Variants in CTDSPL observed in about 807,000 individuals in gnomAD.
CTDSPL encodes CTD small phosphatase like.
CTDSPL carries 8 observed loss-of-function variants against 30.5 expected under a neutral mutation model. The ratio of observed to expected loss-of-function variants is 0.26; its 90% CI spans 0.15 to 0.47. CTDSPL has a LOEUF of 0.47. Ranked by LOEUF, CTDSPL falls within the 20% of genes least tolerant of loss-of-function variation. The pLI is 0.99. For synonymous variants in CTDSPL, 110 were observed against 137.9 expected (o/e 0.80, Z 1.42); for missense variants, 248 against 366.1 (o/e 0.68, Z 2.63).
chr3:37,966,717 G>GT (rs1212916195), intron 4 of CTDSPL, among the ~76,000 whole-genome samples: 2 of 151,756 alleles, frequency 1.3e-5, no homozygotes, highest in African/African-American at 2.4e-5. Context: ...TTTTTGTTTT[G>GT]TTTTTTGTTT....
At chr3:37,878,468 T>C (rs1435888037) in intron 1 of CTDSPL, among the ~76,000 whole-genome samples, 1 of 152,228 alleles carries the variant, frequency 6.6e-6, no homozygotes, top group Non-Finnish European at 1.5e-5. Context: ...CTTTGAACCT[T>C]TATTAAAAAT....
At chr3:37,870,861 A>C (rs1698063841) in intron 1 of CTDSPL, among the ~76,000 whole-genome samples, 1 of 152,180 alleles carries the variant, frequency 6.6e-6, no homozygotes, top group Admixed American at 6.5e-5. Context: ...GAATTTCCAT[A>C]TATTCCCTGA....
chr3:37,960,495 A>AT lies in CTDSPL; in HGVS notation c.267+3352_267+3353insT, dbSNP rs1394185254. Among the ~76,000 whole-genome samples, 65 of 60,376 alleles carry AT rather than the reference A, an allele frequency of 1.1e-3. 4 individuals are homozygous for AT. The highest frequency in any genetic ancestry group is 4.8e-3 in the African/African-American group (63 of 13,100). The allele number at this position is 60,376 out of a possible 152,430, so 39.6% of individuals were successfully genotyped here. ...AACTCTGTCTCAAAAAAAAAAAAAA[A>AT]AAAAAAAAAAATATATATATATATA... On this transcript the variant is annotated intron_variant, in intron 3 of 7. Coordinates refer to ENST00000273179, the MANE Select transcript of CTDSPL (RefSeq NM_001008392.2).
At chr3:37,964,762 G>C in intron 4 of CTDSPL, 90 bp downstream of exon 4, 3 of 989,044 alleles carry the variant, frequency 3.0e-6, no homozygotes, top group Non-Finnish European at 4.7e-6. Context: ...GAAAGCTTAT[G>C]GTGGTTAGTG....
intron 1 of CTDSPL, among the ~76,000 whole-genome samples, chr3:37,884,364 T>C (rs1187103116): frequency 1.3e-5 from 2 of 152,172 alleles, no homozygotes; most frequent in Non-Finnish European, 2.9e-5. Context: ...TAAATGAATA[T>C]GTACATAGAG....
chr3:37,868,846 T>C (rs1698041702), intron 1 of CTDSPL, among the ~76,000 whole-genome samples: 1 of 152,144 alleles, frequency 6.6e-6, no homozygotes, highest in South Asian at 2.1e-4. Flanking sequence ...GACTGATGCT[T>C]CCAACTTTTG....
In CTDSPL at chr3:37,900,795, T is replaced by TTTA. The variant is rs1012926316; in HGVS notation, c.79+38532_79+38534dup. Among the ~76,000 whole-genome samples, 551 of 152,126 alleles carry TTTA rather than the reference T, an allele frequency of 3.6e-3. 3 individuals carry two copies. Among genetic ancestry groups the TTTA allele is most frequent in the African/African-American group, 0.013 (537 of 41,506 alleles). On this transcript the variant is annotated intron_variant, in intron 1 of 7. Coordinates refer to ENST00000273179, the MANE Select transcript of CTDSPL (RefSeq NM_001008392.2). ...GTCCTTAGAGAACATAATACTTATT[T>TTTA]TTATTATTATTATTATTTTTTTAGA...
At chr3:37,925,849 A>G (rs865830177) in intron 1 of CTDSPL, among the ~76,000 whole-genome samples, 17 of 152,038 alleles carry the variant, frequency 1.1e-4, no homozygotes, top group Admixed American at 1.0e-3. Context: ...AGACACACAC[A>G]CACACACACA....
intron 2 of CTDSPL, among the ~76,000 whole-genome samples, chr3:37,951,137 G>A (rs1575314318): frequency 6.6e-6 from 1 of 152,150 alleles, no homozygotes; most frequent in African/African-American, 2.4e-5. Flanking sequence ...GGAGGCCGAG[G>A]TGGGCAGATC....
chr3:37,936,330 C>G (rs1698914790), intron 1 of CTDSPL, among the ~76,000 whole-genome samples: 1 of 152,166 alleles, frequency 6.6e-6, no homozygotes. Flanking sequence ...GTGACTGAGT[C>G]TCTTTTCTAG....
intron 4 of CTDSPL, 22 bp downstream of exon 4, chr3:37,964,694 A>T (rs200027514): frequency 6.6e-7 from 1 of 1,525,820 alleles, no homozygotes; most frequent in Middle Eastern, 1.7e-4. Flanking sequence ...TAAAAAAAAA[A>T]TCCATGATCT....
intron 6 of CTDSPL, among the ~76,000 whole-genome samples, chr3:37,973,268 G>A (rs1699387325): frequency 6.6e-6 from 1 of 152,238 alleles, no homozygotes; most frequent in African/African-American, 2.4e-5. Flanking sequence ...ACAGTGCTCT[G>A]GGATGCTGAA....
intron 1 of CTDSPL, among the ~76,000 whole-genome samples, chr3:37,917,509 T>G (rs548524674): frequency 1.3e-5 from 2 of 152,354 alleles, no homozygotes; most frequent in African/African-American, 2.4e-5. Flanking sequence ...TATATCCCAA[T>G]ATAGATGAAT....
At chr3:37,953,563 A>C (rs971420185) in intron 2 of CTDSPL, among the ~76,000 whole-genome samples, 6 of 152,230 alleles carry the variant, frequency 3.9e-5, no homozygotes, top group Non-Finnish European at 8.8e-5. Flanking sequence ...AAAGGAAGGT[A>C]GAAAATAAAG....
At chr3:37,864,747 T>A (rs911523866) in intron 1 of CTDSPL, among the ~76,000 whole-genome samples, 7 of 151,898 alleles carry the variant, frequency 4.6e-5, no homozygotes, top group Admixed American at 2.0e-4. Flanking sequence ...TACATAATTT[T>A]ACATTATGTA....
intron 2 of CTDSPL, among the ~76,000 whole-genome samples, chr3:37,947,548 G>A (rs1276107496): frequency 1.3e-5 from 2 of 152,118 alleles, no homozygotes; most frequent in African/African-American, 2.4e-5. Context: ...CAATAAGAGC[G>A]AAACTATGTC....
chr3:37,982,689 C>T lies in CTDSPL; in HGVS notation c.*1822C>T, dbSNP rs1256809107. Reference sequence around the variant, plus strand: ...CAGGTCTCCCAGCATTCTGAGTGTTCCAAACCAGTAATCCACATGCCAATT... The same window carrying T: ...CAGGTCTCCCAGCATTCTGAGTGTTTCAAACCAGTAATCCACATGCCAATT... On this transcript the variant is annotated 3_prime_UTR_variant, in exon 8 of 8. Transcript: ENST00000273179. The T allele has an allele frequency of 8.8e-6, 4 of 456,116 alleles. No individual in the cohort carries two copies. Among genetic ancestry groups the T allele is most frequent in the Non-Finnish European group, 1.8e-5 (4 of 226,620 alleles). The allele number at this position is 456,116 out of a possible 1,614,324, so 28.3% of individuals were successfully genotyped here. A position where few individuals can be genotyped will look rare whatever the true frequency, so the allele number is the denominator to read the frequency against.
chr3:37,955,462 T>C (rs906380261), intron 2 of CTDSPL, among the ~76,000 whole-genome samples: 1 of 152,042 alleles, frequency 6.6e-6, no homozygotes, highest in Admixed American at 6.6e-5. Flanking sequence ...GAGACCCAAA[T>C]AGGCTGTGAG....
chr3:37,874,500 G>C (rs1022823076), intron 1 of CTDSPL, among the ~76,000 whole-genome samples: 3 of 152,298 alleles, frequency 2.0e-5, no homozygotes, highest in Admixed American at 6.5e-5. Flanking sequence ...GGGAGGCCAA[G>C]GCAGGCAGAT....
Sources: gnomAD v4.1 joint callset for allele counts (sites outside exome capture counted in the v4.1 genomes callset) on GRCh38, gnomAD v4.1.1 for gene constraint, MANE v1.5 for transcripts, NCBI Gene and HGNC (gene_info 2026-07-23, HGNC 2026-07-21) for gene names.